LMTK3: variants seen among roughly 807,000 people sequenced by gnomAD.
LMTK3 encodes the protein serine/threonine-protein kinase LMTK3.
In LMTK3, 27 loss-of-function variants were observed where a neutral mutation model predicts 116.7. The ratio of observed to expected loss-of-function variants is 0.23; its 90% CI spans 0.17 to 0.32. LMTK3 has a LOEUF of 0.32. LMTK3 is among the 10% of genes least tolerant of loss of function. The pLI is 1.00. For synonymous variants in LMTK3, 965 were observed against 971.0 expected, an observed-to-expected ratio of 0.99 and a Z score of 0.11; for missense variants, 1,764 against 2,068.5, an observed-to-expected ratio of 0.85 and a Z score of 2.86.
chr19:48,485,930 C>T, intron 14 of LMTK3, 141 bp from the exon 15 acceptor site: 1 of 755,632 alleles, frequency 1.3e-6, no homozygotes, highest in Middle Eastern at 2.5e-4. Context: ...TCCTCACCTA[C>T]CCCTCTTCTC....
At position 48,494,370 on chromosome 19, in the gene LMTK3, C is replaced by A. The variant is rs1325912388; in HGVS notation, c.3677-261G>T. On this transcript the variant is annotated intron_variant, in intron 11 of 14. Coordinates refer to ENST00000600059, the MANE Select transcript of LMTK3 (RefSeq NM_001388485.1). This position sits in a 1 kb window ranked among gnomAD's most constrained non-coding sequence, Gnocchi z 4.0. ...CACCAGGCCCTCATGCCCTGGCCTA[C>A]CTGATTTCTCTGGCCTCTGTCCCCA... 6.6e-6 allele frequency among the ~76,000 whole-genome samples: 1 copy of A among 152,248 alleles called. No individual in the cohort carries two copies. Among genetic ancestry groups the A allele is most frequent in the East Asian group, 1.9e-4 (1 of 5,200 alleles).
chr19:48,508,206 A>G (rs1288322535), intron 5 of LMTK3, among the ~76,000 whole-genome samples: 3 of 152,056 alleles, frequency 2.0e-5, no homozygotes, highest in Non-Finnish European at 2.9e-5. Flanking sequence ...TCCTGTAGGC[A>G]GTAGGGAGCC....
In LMTK3 at chr19:48,491,604, C is replaced by A. The variant is rs1421812513; in HGVS notation, c.4093-65G>T. ...CTTCACGTCCCATTTACCGCATCCC[C>A]CAAAAGCAACAAAACCGGCTAATAT... On this transcript the variant is annotated intron_variant, in intron 12 of 14. Transcript: ENST00000600059. This position sits in a 1 kb window ranked among gnomAD's most constrained non-coding sequence, Gnocchi z 5.1. The A allele has an allele frequency of 4.0e-6, 5 of 1,256,604 alleles. No homozygotes were observed. Among genetic ancestry groups the A allele is most frequent in the Non-Finnish European group, 4.1e-6 (4 of 984,262 alleles). The allele number at this position is 1,256,604 out of a possible 1,614,324, so 77.8% of individuals were successfully genotyped here.
chr19:48,507,897 C>T (rs1232897754), intron 5 of LMTK3, among the ~76,000 whole-genome samples: 1 of 152,112 alleles, frequency 6.6e-6, no homozygotes, highest in Admixed American at 6.6e-5. Flanking sequence ...ATGAAGAAAA[C>T]ACATGCCATG....
rs188431208 is a variant in LMTK3 at position 48,502,953 on chromosome 19, C to T, written c.601G>A (p.Val201Met). ...ATCAGCAGAAACGGCAGCGTCTCCACGCACAGACCCAGGCACTGGAGGACA... is the reference window on the plus strand; with the variant it reads ...ATCAGCAGAAACGGCAGCGTCTCCATGCACAGACCCAGGCACTGGAGGACA... Reference protein sequence around the residue: ...PNVLQCLGLCVETLPFLLIME... With the variant: ...PNVLQCLGLCMETLPFLLIME... Residue 201 changes from valine (V) to methionine (M), a missense_variant, in exon 6 of 15, where the codon GTG becomes ATG. Around this residue, in one of 7 missense-constraint regions of LMTK3, gnomAD observed 271 missense variants for 478.2 expected, o/e 0.57. Transcript: ENST00000600059. The T allele has an allele frequency of 2.1e-5, 34 of 1,613,408 alleles. No homozygotes were observed. Among genetic ancestry groups the T allele is most frequent in the Middle Eastern group, 1.7e-4 (1 of 6,056 alleles).
chr19:48,485,561 AG>A lies in LMTK3; in HGVS notation c.*211del, dbSNP rs1263160536. ...TGCCTCATTTGGCTCCGAGGGGGTC[AG>A]GGGGGTCAGGGGAGCCATCTGGGGG... is the stretch of plus-strand genomic sequence containing the variant. On this transcript the variant is annotated 3_prime_UTR_variant, in exon 15 of 15. Transcript: ENST00000600059. 5 of 405,968 alleles carry A rather than the reference AG, an allele frequency of 1.2e-5. No homozygotes were observed. Among genetic ancestry groups the A allele is most frequent in the African/African-American group, 6.7e-5 (1 of 14,860 alleles). The allele number at this position is 405,968 out of a possible 1,614,324, so 25.1% of individuals were successfully genotyped here.
At position 48,510,017 on chromosome 19, in the gene LMTK3, C is replaced by A; in HGVS notation, c.361+6G>T. The A allele has an allele frequency of 6.2e-7, 1 of 1,613,652 alleles. No homozygotes were observed. Among genetic ancestry groups the A allele is most frequent in the Middle Eastern group, 1.7e-4 (1 of 6,056 alleles). ...ATGGGATGCTGGTCATGGCGTGGGG[C>A]AGTACCTGAGTGTGAAGGCTGCGGG... On this transcript the variant is annotated splice_donor_region_variant and intron_variant, in intron 3 of 14. Coordinates refer to ENST00000600059, the MANE Select transcript of LMTK3 (RefSeq NM_001388485.1).
chr19:48,509,532 GA>G lies in LMTK3; in HGVS notation c.362-20del. On this transcript the variant is annotated intron_variant, in intron 3 of 14. Transcript: ENST00000600059. ...GTCATGTCTGGGGAGGGCAAGAGGG[GA>G]AAGCCCCTGAGTCTCTCCCCCTTCC... 6.5e-7 allele frequency: 1 copy of G among 1,538,620 alleles called. No homozygotes were observed. The highest frequency in any genetic ancestry group is 8.8e-7 in the Non-Finnish European group (1 of 1,139,462).
intron 7 of LMTK3, 51 bp downstream of exon 7, chr19:48,502,382 C>G: frequency 6.3e-7 from 1 of 1,582,474 alleles, no homozygotes; most frequent in Non-Finnish European, 8.6e-7. Context: ...GGCCTCACCT[C>G]CTTCCCCCTT....
intron 11 of LMTK3, among the ~76,000 whole-genome samples, chr19:48,495,594 GAC>G: frequency 6.6e-6 from 1 of 152,184 alleles, no homozygotes; most frequent in East Asian, 1.9e-4. Context: ...TCAAGGAAGT[GAC>G]AGTGTTCGAA....
intron 12 of LMTK3, among the ~76,000 whole-genome samples, chr19:48,492,732 G>A (rs947251223): frequency 3.3e-5 from 5 of 151,998 alleles, no homozygotes; most frequent in African/African-American, 1.2e-4. Context: ...TCACCATCCA[G>A]GCCTCTTCTC....
At position 48,496,005 on chromosome 19, in the gene LMTK3, C is replaced by T. The variant is rs1289797209; in HGVS notation, c.3676+1388G>A. ...GGGCAAGATCTGAAGCTCCCTGGGT[C>T]CCAGCCTTGGGCAGCTCAGGGCCTC... is the stretch of plus-strand genomic sequence containing the variant. On this transcript the variant is annotated intron_variant, in intron 11 of 14. Coordinates refer to ENST00000600059, the MANE Select transcript of LMTK3 (RefSeq NM_001388485.1). Among the ~76,000 whole-genome samples the T allele has an allele frequency of 3.3e-5, 5 of 152,378 alleles. No homozygotes were observed. The East Asian group carries it at 9.6e-4, about 29-fold the overall frequency.
chr19:48,502,527 C>G lies in LMTK3; in HGVS notation c.700G>C (p.Glu234Gln). 6.2e-7 allele frequency: 1 copy of G among 1,603,126 alleles called. No homozygotes were observed. The highest frequency in any genetic ancestry group is 8.5e-7 in the Non-Finnish European group (1 of 1,175,562). The change falls in exon 7 of 15, where the codon GAG (glutamate) becomes CAG (glutamine). Residue 234 changes from glutamate (E) to glutamine (Q), a missense_variant. By Grantham distance (29) the Glu-to-Gln change is conservative. This residue lies in a region of LMTK3 where 271 missense variants were observed against 478.2 expected (regional missense o/e 0.57). Transcript: ENST00000600059. Reference protein sequence around the residue: ...AQRPPEGLSPELPPRDLRTLQ... With the variant: ...AQRPPEGLSPQLPPRDLRTLQ... ...GTCCGCAGGTCTCGAGGGGGTAGCTCAGGGGACAGGCCCTCGGGGGGCCGC... is the reference window on the plus strand; with the variant it reads ...GTCCGCAGGTCTCGAGGGGGTAGCTGAGGGGACAGGCCCTCGGGGGGCCGC...
chr19:48,497,542 C>T lies in LMTK3; in HGVS notation c.3527G>A (p.Gly1176Glu). The T allele has an allele frequency of 7.2e-7, 1 of 1,382,796 alleles. No homozygotes were observed. The allele number at this position is 1,382,796 out of a possible 1,614,324, so 85.7% of individuals were successfully genotyped here. ...CCTGCTGTCTGGGGCCCCGGGCTCT[C>T]CCTCGGGGGCCACCTCCGGCCTGGC... ...PRARPEVAPE[G>E]EPGAPDSRAG... Residue 1176 changes from glycine (G) to glutamate (E), a missense_variant, in exon 11 of 15, where the codon GGA (glycine) becomes GAA (glutamate). Physicochemically the swap from Gly to Glu is moderately conservative, Grantham distance 98 (BLOSUM62 -2). This residue lies in a region of LMTK3 where 1,028 missense variants were observed against 1,050.6 expected (regional missense o/e 0.98). Transcript: ENST00000600059. This position sits in a 1 kb window ranked among gnomAD's most constrained non-coding sequence, Gnocchi z 5.7.
At chr19:48,503,088 C>G (rs117151636) in intron 5 of LMTK3, 92 bp from the exon 6 acceptor site, 24,179 of 763,452 alleles carry the variant, frequency 0.032, 614 homozygotes, top group Middle Eastern at 0.091. Context: ...CTGCCTCCAC[C>G]CTTTTTTGTT....
chr19:48,505,448 G>T (rs1039762146), intron 5 of LMTK3, among the ~76,000 whole-genome samples: 1 of 152,088 alleles, frequency 6.6e-6, no homozygotes, highest in African/African-American at 2.4e-5. Flanking sequence ...TTTCTGGCTT[G>T]GTCTGGTGGC....
Position 48,491,413 on chromosome 19 carries a change from T to C in LMTK3, c.4219A>G (p.Ser1407Gly), listed in dbSNP as rs1372830726. The change falls in exon 13 of 15, where the codon AGC (serine) becomes GGC (glycine). Residue 1407 changes from serine (S) to glycine (G), a missense_variant. By Grantham distance (56) the Ser-to-Gly change is moderately conservative. Transcript: ENST00000600059. The surrounding 1 kb of genome is among the most constrained non-coding windows in gnomAD (Gnocchi z 5.1). ...TPGDGFPSND[S>G]GFGGSFEWAE... ...TAGGGCCCGTCCTCACCAAAGCCGC[T>C]GTCGTTGCTGGGAAACCCATCTCCG... 1 of 1,382,322 alleles carries C rather than the reference T, an allele frequency of 7.2e-7. No individual in the cohort carries two copies. The highest frequency in any genetic ancestry group is 9.4e-7 in the Non-Finnish European group (1 of 1,065,320). 85.6% of individuals were successfully genotyped at this position (1,382,322 alleles called of 1,614,324 possible). A position where few individuals can be genotyped will look rare whatever the true frequency, so the allele number is the denominator to read the frequency against.
chr19:48,501,415 C>G lies in LMTK3; in HGVS notation c.880-11G>C, dbSNP rs769027156. Reference sequence around the variant, plus strand: ...CAGGTAGTAGTCCTCCTGAGGGAACCAGGGCGGTGTCAGGCGGGTCAGGGC... The same window carrying G: ...CAGGTAGTAGTCCTCCTGAGGGAACGAGGGCGGTGTCAGGCGGGTCAGGGC... On this transcript the variant is annotated splice_polypyrimidine_tract_variant and intron_variant, in intron 8 of 14. Coordinates refer to ENST00000600059, the MANE Select transcript of LMTK3 (RefSeq NM_001388485.1). The G allele has an allele frequency of 1.7e-5, 27 of 1,612,882 alleles. No homozygotes were observed. The South Asian group carries it at 2.7e-4, about 16-fold the overall frequency.
chr19:48,506,594 G>A (rs1972574918), intron 5 of LMTK3, among the ~76,000 whole-genome samples: 1 of 152,186 alleles, frequency 6.6e-6, no homozygotes, highest in Non-Finnish European at 1.5e-5. Flanking sequence ...TGTAACCGCG[G>A]CTCTGCTGTT....
Sources: allele counts gnomAD v4.1 joint callset (sites outside exome capture counted in the v4.1 genomes callset), GRCh38; gene constraint gnomAD v4.1.1; regional missense constraint gnomAD v4.1.1; non-coding constraint Gnocchi (gnomAD v3.1); transcripts MANE v1.5; gene names NCBI Gene and HGNC (gene_info 2026-07-23, HGNC 2026-07-21).